Variants in SNTB1 observed in about 807,000 individuals in gnomAD.
SNTB1 encodes the protein beta-1-syntrophin.
SNTB1 carries 36 observed loss-of-function variants against 48.9 expected under a neutral mutation model. The observed-to-expected ratio is 0.74, with a 90% CI of 0.56 to 0.97. The LOEUF (loss-of-function observed/expected upper bound fraction) is 0.97. Among genes scored for constraint, SNTB1 ranks in the 50% least tolerant of loss-of-function variants. SNTB1 has a pLI of 0.00. For missense variants in SNTB1, 786 were observed against 703.4 expected (o/e 1.12, Z -1.33); for synonymous variants, 299 against 294.6 (o/e 1.01, Z -0.15).
intron 6 of SNTB1, among the ~76,000 whole-genome samples, chr8:120,539,677 G>A (rs1815253468): frequency 6.6e-6 from 1 of 152,166 alleles, no homozygotes; most frequent in Non-Finnish European, 1.5e-5. Context: ...ACCTAATTTA[G>A]GGAAATTGGG....
intron 2 of SNTB1, among the ~76,000 whole-genome samples, chr8:120,684,715 C>G (rs946510504): frequency 1.3e-5 from 2 of 150,866 alleles, no homozygotes; most frequent in African/African-American, 4.9e-5. Context: ...AGTGCAATGG[C>G]ATGATCTCGG....
At chr8:120,626,430 A>C (rs1816883714) in intron 3 of SNTB1, among the ~76,000 whole-genome samples, 2 of 152,160 alleles carry the variant, frequency 1.3e-5, no homozygotes, top group African/African-American at 4.8e-5. Flanking sequence ...ATGACCTTTA[A>C]AATTTTTTAT....
At chr8:120,664,965 A>G (rs1817650182) in intron 2 of SNTB1, among the ~76,000 whole-genome samples, 1 of 152,158 alleles carries the variant, frequency 6.6e-6, no homozygotes, top group Admixed American at 6.5e-5. Context: ...TTTTAGCTAG[A>G]TTCATATGAA....
At chr8:120,740,872 C>A (rs912287427) in intron 1 of SNTB1, among the ~76,000 whole-genome samples, 8 of 150,828 alleles carry the variant, frequency 5.3e-5, no homozygotes, top group African/African-American at 2.0e-4. Flanking sequence ...CATTTTTAAT[C>A]TTCTCAACAG....
chr8:120,784,474 A>C (rs1369601903), intron 1 of SNTB1, among the ~76,000 whole-genome samples: 2 of 152,128 alleles, frequency 1.3e-5, no homozygotes, highest in Admixed American at 1.3e-4. Context: ...GCCACTTCTC[A>C]GAAAGTGTGC....
At chr8:120,773,763 A>G (rs943192474) in intron 1 of SNTB1, among the ~76,000 whole-genome samples, 2 of 152,246 alleles carry the variant, frequency 1.3e-5, no homozygotes, top group Non-Finnish European at 2.9e-5. Flanking sequence ...TCAAGTAGGT[A>G]CTATTATTAT....
rs543671934 is a variant in SNTB1 at position 120,730,197 on chromosome 8, C to T, written c.572-36289G>A. 2.6e-5 allele frequency among the ~76,000 whole-genome samples: 4 copies of T among 152,054 alleles called. No homozygotes were observed. In the East Asian group the frequency reaches 5.8e-4, roughly 22 times the overall value. The stretch of plus-strand genomic sequence containing the variant: ...TTTTTGAGACAGAGTCTTGCTCTGT[C>T]GCCTAGGCTGGAGTGCAGTGGCACA... On this transcript the variant is annotated intron_variant, in intron 1 of 6. Coordinates refer to ENST00000517992, the MANE Select transcript of SNTB1 (RefSeq NM_021021.4).
chr8:120,724,709 T>A (rs1818724033), intron 1 of SNTB1, among the ~76,000 whole-genome samples: 1 of 152,150 alleles, frequency 6.6e-6, no homozygotes, highest in Admixed American at 6.5e-5. Context: ...TAAACAAAGA[T>A]GATTTTAGCT....
At chr8:120,766,013 A>T (rs1468079275) in intron 1 of SNTB1, 1 of 152,192 alleles carries the variant, frequency 6.6e-6, no homozygotes, top group Non-Finnish European at 1.5e-5. Flanking sequence ...AAGCAAGGAA[A>T]CAGTTTACGG....
rs528470224 is a variant in SNTB1 at position 120,578,072 on chromosome 8, G to A, written c.997-2847C>T. On this transcript the variant is annotated intron_variant, in intron 3 of 6. Coordinates refer to ENST00000517992, the MANE Select transcript of SNTB1 (RefSeq NM_021021.4). The stretch of plus-strand genomic sequence containing the variant: ...TTTTGAGATAGAGTCTTGCTTTGTC[G>A]CCCAGGCTGGAGTGCAGTGGTGCGA... 5.3e-5 allele frequency among the ~76,000 whole-genome samples: 8 copies of A among 152,222 alleles called. No individual in the cohort carries two copies. The South Asian group carries it at 1.0e-3, about 20-fold the overall frequency.
At chr8:120,647,472 G>T (rs79401022) in intron 2 of SNTB1, among the ~76,000 whole-genome samples, 1 of 147,394 alleles carries the variant, frequency 6.8e-6, no homozygotes, top group African/African-American at 2.5e-5. Context: ...GTAGTTGAGC[G>T]GTTTTGAGTG....
chr8:120,600,531 G>A (rs544314230), intron 3 of SNTB1, among the ~76,000 whole-genome samples: 1 of 152,258 alleles, frequency 6.6e-6, no homozygotes, highest in South Asian at 2.1e-4. Context: ...ATGTTAAATT[G>A]GCTGTTGCTT....
At chr8:120,684,213 A>G (rs2129829760) in intron 2 of SNTB1, among the ~76,000 whole-genome samples, 1 of 152,248 alleles carries the variant, frequency 6.6e-6, no homozygotes, top group South Asian at 2.1e-4. Context: ...CTTATGACCT[A>G]ATCATCTTCC....
At chr8:120,623,070 A>C (rs1418071270) in intron 3 of SNTB1, among the ~76,000 whole-genome samples, 1 of 152,194 alleles carries the variant, frequency 6.6e-6, no homozygotes, top group East Asian at 1.9e-4. Flanking sequence ...GGCTGAAACT[A>C]GATTTCAGCT....
intron 4 of SNTB1, among the ~76,000 whole-genome samples, chr8:120,559,614 G>GT (rs1483810406): frequency 6.6e-6 from 1 of 151,976 alleles, no homozygotes; most frequent in Non-Finnish European, 1.5e-5. Flanking sequence ...ATTGCATATT[G>GT]TTTCTGGATC....
intron 1 of SNTB1, among the ~76,000 whole-genome samples, chr8:120,764,796 A>G (rs1819488519): frequency 6.6e-6 from 1 of 152,222 alleles, no homozygotes; most frequent in African/African-American, 2.4e-5. Context: ...TAAGTGATGC[A>G]AGAAGTTCCC....
chr8:120,702,111 T>C (rs1818317090), intron 1 of SNTB1, among the ~76,000 whole-genome samples: 1 of 152,232 alleles, frequency 6.6e-6, no homozygotes, highest in African/African-American at 2.4e-5. Context: ...TAATGAGCTC[T>C]TTCTGTAGGG....
intron 1 of SNTB1, among the ~76,000 whole-genome samples, chr8:120,782,396 A>C (rs571169409): frequency 6.6e-6 from 1 of 151,578 alleles, no homozygotes; most frequent in Non-Finnish European, 1.5e-5. Context: ...GAACATTTAG[A>C]GTTTCTTTTT....
intron 1 of SNTB1, among the ~76,000 whole-genome samples, chr8:120,709,458 T>C (rs770525578): frequency 6.6e-5 from 10 of 152,238 alleles, no homozygotes; most frequent in Admixed American, 2.0e-4. Flanking sequence ...CTTTGAGAAA[T>C]GGTCAGAGGT....
Sources: gnomAD v4.1 joint callset for allele counts (sites outside exome capture counted in the v4.1 genomes callset) on GRCh38, gnomAD v4.1.1 for gene constraint, MANE v1.5 for transcripts, NCBI Gene and HGNC (gene_info 2026-07-23, HGNC 2026-07-21) for gene names.